Variants in LINGO2 observed in about 807,000 individuals in gnomAD.
LINGO2 encodes leucine rich repeat and Ig domain containing 2.
In LINGO2, 14 loss-of-function variants were observed where a neutral mutation model predicts 30.6. That is an observed-to-expected ratio of 0.46 (90% CI 0.30 to 0.72). The LOEUF (loss-of-function observed/expected upper bound fraction) is 0.72, where lower values mean the gene tolerates loss of function less well. Among genes scored for constraint, LINGO2 ranks in the 30% least tolerant of loss-of-function variants. LINGO2 has a pLI of 0.07. For missense variants in LINGO2, 729 were observed against 751.7 expected, an observed-to-expected ratio of 0.97 and a Z score of 0.35; for synonymous variants, 317 against 288.5, an observed-to-expected ratio of 1.10 and a Z score of -1.00.
intron 2 of LINGO2, among the ~76,000 whole-genome samples, chr9:28,435,424 G>A (rs536703813): frequency 1.3e-5 from 2 of 152,244 alleles, no homozygotes; most frequent in South Asian, 4.1e-4. Context: ...CAAAAATTGT[G>A]ATGCCTCATA....
At chr9:28,877,005 T>C in the LINGO2 span, among the ~76,000 whole-genome samples, 5,622 of 152,280 alleles carry the variant, frequency 0.037, 340 homozygotes, top group African/African-American at 0.12. Context: ...TGGCCAGTGA[T>C]GGTAACCATT....
At chr9:28,411,950 T>A (rs938920172) in intron 2 of LINGO2, among the ~76,000 whole-genome samples, 21 of 152,064 alleles carry the variant, frequency 1.4e-4, no homozygotes, top group Admixed American at 1.3e-3. Context: ...TTAAAAATAT[T>A]GATTTCAATA....
intron 1 of LINGO2, among the ~76,000 whole-genome samples, chr9:28,665,261 T>C (rs1035927828): frequency 2.6e-5 from 4 of 151,834 alleles, no homozygotes; most frequent in African/African-American, 9.7e-5. Flanking sequence ...AAATCTACTC[T>C]AGATCTAAAT....
At chr9:28,142,839 G>C (rs538083897) in intron 4 of LINGO2, among the ~76,000 whole-genome samples, 3 of 152,140 alleles carry the variant, frequency 2.0e-5, no homozygotes, top group African/African-American at 7.2e-5. Flanking sequence ...TTGTTTGTTT[G>C]TTTTGCCTGT....
the LINGO2 span, among the ~76,000 whole-genome samples, chr9:29,178,719 T>C: frequency 6.6e-6 from 1 of 152,096 alleles, no homozygotes; most frequent in Non-Finnish European, 1.5e-5. Flanking sequence ...TAAGTAACTT[T>C]TGAGCTGAGT....
chr9:28,291,401 G>A (rs2134169001), intron 4 of LINGO2, among the ~76,000 whole-genome samples: 2 of 152,262 alleles, frequency 1.3e-5, no homozygotes, highest in East Asian at 1.9e-4. Flanking sequence ...TAGGGAGATG[G>A]CGTCACTTGT....
chr9:28,468,847 G>A (rs999269202), intron 2 of LINGO2, among the ~76,000 whole-genome samples: 1 of 152,128 alleles, frequency 6.6e-6, no homozygotes, highest in Non-Finnish European at 1.5e-5. Flanking sequence ...AAAACTGAGG[G>A]ATGTGGCCTC....
chr9:28,468,903 AAGAG>A (rs1219168258), intron 2 of LINGO2, among the ~76,000 whole-genome samples: 4 of 152,134 alleles, frequency 2.6e-5, no homozygotes. Flanking sequence ...AAAGCATTCA[AAGAG>A]ATAGGGTAAT....
chr9:28,510,760 C>T (rs1162754977), intron 1 of LINGO2, among the ~76,000 whole-genome samples: 1 of 151,760 alleles, frequency 6.6e-6, no homozygotes, highest in Non-Finnish European at 1.5e-5. Flanking sequence ...GGGACCTTGA[C>T]TATATATTTA....
chr9:28,315,381 G>A (rs930717086), intron 3 of LINGO2, among the ~76,000 whole-genome samples: 13 of 149,412 alleles, frequency 8.7e-5, no homozygotes, highest in African/African-American at 3.2e-4. Context: ...CAGTCTGGGC[G>A]ACAGAGGGAG....
chr9:29,098,405 A>G, the LINGO2 span, among the ~76,000 whole-genome samples: 1 of 152,240 alleles, frequency 6.6e-6, no homozygotes, highest in Non-Finnish European at 1.5e-5. Context: ...TCTTGGGAAG[A>G]TTCAAGTAGT....
intron 3 of LINGO2, among the ~76,000 whole-genome samples, chr9:28,320,775 T>C (rs1037151555): frequency 7.2e-5 from 11 of 152,180 alleles, no homozygotes; most frequent in Admixed American, 1.3e-4. Flanking sequence ...AGACTGAGAC[T>C]AGGGATTTGT....
At chr9:28,606,841 T>A (rs1450888413) in intron 1 of LINGO2, among the ~76,000 whole-genome samples, 2 of 152,074 alleles carry the variant, frequency 1.3e-5, no homozygotes, top group Non-Finnish European at 2.9e-5. Flanking sequence ...GAGGATTATA[T>A]AAATGTTCAA....
the LINGO2 span, among the ~76,000 whole-genome samples, chr9:28,703,569 T>C: frequency 6.6e-6 from 1 of 151,964 alleles, no homozygotes; most frequent in Admixed American, 6.6e-5. Flanking sequence ...GTGTATTTCC[T>C]TGTTGTGGAT....
intron 1 of LINGO2, among the ~76,000 whole-genome samples, chr9:28,530,992 AT>A (rs1435293484): frequency 1.3e-5 from 2 of 149,972 alleles, no homozygotes; most frequent in Non-Finnish European, 3.0e-5. Flanking sequence ...TGCCAAATTA[AT>A]TTTAAATTTC....
At chr9:28,834,630 A>G in the LINGO2 span, among the ~76,000 whole-genome samples, 1 of 152,194 alleles carries the variant, frequency 6.6e-6, no homozygotes, top group Non-Finnish European at 1.5e-5. Flanking sequence ...CAAAATTTAT[A>G]TAATTTTATG....
chr9:28,515,568 G>A (rs1361743593), intron 1 of LINGO2, among the ~76,000 whole-genome samples: 1 of 152,282 alleles, frequency 6.6e-6, no homozygotes, highest in Admixed American at 6.5e-5. Context: ...AACTGCAGAC[G>A]TAGTGGAAAT....
At chr9:29,019,410 G>A in the LINGO2 span, among the ~76,000 whole-genome samples, 2 of 152,074 alleles carry the variant, frequency 1.3e-5, no homozygotes, top group Non-Finnish European at 1.5e-5. Context: ...CAGTTTATTG[G>A]TTAAACTTAT....
At chr9:28,117,196 G>T (rs887151397) in intron 4 of LINGO2, among the ~76,000 whole-genome samples, 5 of 151,832 alleles carry the variant, frequency 3.3e-5, no homozygotes, top group South Asian at 2.1e-4. Flanking sequence ...TGCCCCTGGT[G>T]GGGGGTGCCT....
Sources: allele counts gnomAD v4.1 joint callset (sites outside exome capture counted in the v4.1 genomes callset), GRCh38; gene constraint gnomAD v4.1.1; transcripts MANE v1.5; gene names NCBI Gene and HGNC (gene_info 2026-07-23, HGNC 2026-07-21).